Variants in ZFAND3 observed in about 807,000 individuals in gnomAD.
The protein encoded by ZFAND3 is zinc finger AN1-type containing 3.
ZFAND3 carries 10 observed loss-of-function variants against 29.6 expected under a neutral mutation model. The ratio of observed to expected loss-of-function variants is 0.34; its 90% confidence interval spans 0.21 to 0.57. The LOEUF is 0.57. Among genes scored for constraint, ZFAND3 ranks in the 20% least tolerant of loss-of-function variants. ZFAND3 has a pLI of 0.86. For synonymous variants in ZFAND3, 128 were observed against 112.6 expected, an observed-to-expected ratio of 1.14 and a Z score of -0.87; for missense variants, 230 against 304.5, an observed-to-expected ratio of 0.76 and a Z score of 1.82.
intron 1 of ZFAND3, among the ~76,000 whole-genome samples, chr6:37,925,573 G>A (rs1761468324): frequency 6.6e-6 from 1 of 151,952 alleles, no homozygotes; most frequent in African/African-American, 2.4e-5. Context: ...GCGTGGTGGC[G>A]GGCGCCTGTA....
At chr6:37,875,042 T>C (rs149653819) in intron 1 of ZFAND3, among the ~76,000 whole-genome samples, 8 of 152,116 alleles carry the variant, frequency 5.3e-5, no homozygotes, top group Non-Finnish European at 1.2e-4. Flanking sequence ...ATGGCTAATC[T>C]TGTGTACCTT....
intron 2 of ZFAND3, among the ~76,000 whole-genome samples, chr6:38,010,539 G>T (rs1315846624): frequency 2.0e-5 from 3 of 151,082 alleles, no homozygotes; most frequent in Admixed American, 2.0e-4. Context: ...TTCATGCCCT[G>T]GTCTATGACA....
intron 4 of ZFAND3, among the ~76,000 whole-genome samples, chr6:38,095,520 GCCTACCGGTCTTT>G (rs1322770025): frequency 6.6e-6 from 1 of 151,422 alleles, no homozygotes; most frequent in Admixed American, 6.6e-5. Context: ...TTTTCCTAGC[GCCTACCGGTCTTT>G]CCTCTCCAAT....
intron 1 of ZFAND3, among the ~76,000 whole-genome samples, chr6:37,831,484 C>T (rs981396130): frequency 6.6e-6 from 1 of 152,158 alleles, no homozygotes; most frequent in African/African-American, 2.4e-5. Flanking sequence ...GGCTTCTGCC[C>T]TGAGAAAGCT....
intron 4 of ZFAND3, among the ~76,000 whole-genome samples, chr6:38,103,426 CATATATAT>C (rs55681522): frequency 3.0e-5 from 4 of 133,248 alleles, no homozygotes; most frequent in East Asian, 2.2e-4. Flanking sequence ...TATACACACA[CATATATAT>C]ACACGTGTAT....
At chr6:37,837,472 A>AG (rs1763989663) in intron 1 of ZFAND3, among the ~76,000 whole-genome samples, 1 of 151,066 alleles carries the variant, frequency 6.6e-6, no homozygotes. Flanking sequence ...CTGTGTAATC[A>AG]GAGACAATGG....
intron 1 of ZFAND3, among the ~76,000 whole-genome samples, chr6:37,919,543 G>A (rs1018492996): frequency 6.6e-6 from 1 of 151,710 alleles, no homozygotes; most frequent in East Asian, 1.9e-4. Context: ...CAAGTTGTTT[G>A]AGATAAAGCA....
chr6:37,940,603 C>G (rs1348022097), intron 2 of ZFAND3, among the ~76,000 whole-genome samples: 1 of 152,016 alleles, frequency 6.6e-6, no homozygotes, highest in Admixed American at 6.6e-5. Flanking sequence ...GCAGGCTGTA[C>G]AGGAAGCATA....
chr6:38,147,631 G>A (rs557506517), intron 5 of ZFAND3, among the ~76,000 whole-genome samples: 4 of 152,076 alleles, frequency 2.6e-5, no homozygotes, highest in East Asian at 1.9e-4. Context: ...CTGCATCCTC[G>A]CCAGGATCTG....
chr6:38,117,443 G>T (rs1180888751), intron 5 of ZFAND3, among the ~76,000 whole-genome samples: 1 of 151,992 alleles, frequency 6.6e-6, no homozygotes, highest in Non-Finnish European at 1.5e-5. Context: ...ACCCACAGTG[G>T]AATGAAACTT....
chr6:38,108,269 A>G (rs931092521), intron 4 of ZFAND3, among the ~76,000 whole-genome samples: 1 of 152,122 alleles, frequency 6.6e-6, no homozygotes, highest in Non-Finnish European at 1.5e-5. Context: ...TGGAGGGGCG[A>G]GTGTATTAGG....
At chr6:38,054,231 A>AG (rs1185699879) in intron 2 of ZFAND3, among the ~76,000 whole-genome samples, 1 of 151,104 alleles carries the variant, frequency 6.6e-6, no homozygotes, top group East Asian at 1.9e-4. Context: ...AAAAAAAAAA[A>AG]AAAAAAATTT....
In ZFAND3 at chr6:37,961,549, A is replaced by G. The variant is rs200602187; in HGVS notation, c.112+31550A>G. On this transcript the variant is annotated intron_variant, in intron 2 of 5. Coordinates refer to ENST00000287218, the MANE Select transcript of ZFAND3 (RefSeq NM_021943.3). Reference sequence around the variant, plus strand: ...GTGTGGTTACAGTGGGCCTTGGGTGAAACCCAGTGCTATGCTGGCTTCAGG... The same window carrying G: ...GTGTGGTTACAGTGGGCCTTGGGTGGAACCCAGTGCTATGCTGGCTTCAGG... Among the ~76,000 whole-genome samples the G allele has an allele frequency of 3.9e-5, 6 of 152,242 alleles. No homozygotes were observed. The East Asian group carries it at 1.2e-3, about 29-fold the overall frequency.
chr6:37,835,744 C>T (rs1235549097), intron 1 of ZFAND3, among the ~76,000 whole-genome samples: 2 of 151,726 alleles, frequency 1.3e-5, no homozygotes, highest in African/African-American at 4.8e-5. Context: ...TGCATTTGTT[C>T]TTTTTTTTAA....
chr6:38,054,003 G>A (rs1460715982), intron 2 of ZFAND3, among the ~76,000 whole-genome samples: 1 of 151,762 alleles, frequency 6.6e-6, no homozygotes, highest in Non-Finnish European at 1.5e-5. Flanking sequence ...AGGGAACATA[G>A]GATAGGAGTC....
intron 2 of ZFAND3, among the ~76,000 whole-genome samples, chr6:38,054,708 A>G (rs539958910): frequency 4.6e-5 from 7 of 152,298 alleles, no homozygotes; most frequent in East Asian, 1.9e-4. Context: ...ATAGCTCACA[A>G]GTCCACATAA....
At chr6:37,934,408 CT>C (rs1456513103) in intron 2 of ZFAND3, among the ~76,000 whole-genome samples, 9 of 151,924 alleles carry the variant, frequency 5.9e-5, no homozygotes, top group African/African-American at 2.2e-4. Context: ...AACTACGACA[CT>C]TACAGTTAAG....
In ZFAND3 at chr6:38,152,845, A is replaced by G; in HGVS notation, c.*456A>G. ...CACCTCTTCACTTATCCTTAGTCCCAGTAGCCAGGATACCTGATGGCCACG... is the reference window on the plus strand; with the variant it reads ...CACCTCTTCACTTATCCTTAGTCCCGGTAGCCAGGATACCTGATGGCCACG... On this transcript the variant is annotated 3_prime_UTR_variant, in exon 6 of 6. Transcript: ENST00000287218. The G allele has an allele frequency of 1.0e-6, 1 of 986,158 alleles. No homozygotes were observed. Among genetic ancestry groups the G allele is most frequent in the Non-Finnish European group, 1.2e-6 (1 of 830,154 alleles). 61.1% of individuals were successfully genotyped at this position (986,158 alleles called of 1,614,324 possible).
At chr6:37,971,974 C>CA (rs536132192) in intron 2 of ZFAND3, among the ~76,000 whole-genome samples, 27 of 149,968 alleles carry the variant, frequency 1.8e-4, no homozygotes, top group Admixed American at 4.0e-4. Context: ...GGCCCTGTCT[C>CA]AAAAAAAATA....
Sources: allele counts gnomAD v4.1 joint callset (sites outside exome capture counted in the v4.1 genomes callset), GRCh38; gene constraint gnomAD v4.1.1; transcripts MANE v1.5; gene names NCBI Gene and HGNC (gene_info 2026-07-23, HGNC 2026-07-21).